NTM: variants seen among roughly 807,000 people sequenced by gnomAD.
NTM encodes the protein neurotrimin.
A neutral mutation model predicts 42.1 loss-of-function variants in NTM; 13 were observed. That is an observed-to-expected ratio of 0.31 (90% CI 0.20 to 0.49). The LOEUF (loss-of-function observed/expected upper bound fraction) is 0.49. Among genes scored for constraint, NTM ranks in the 20% least tolerant of loss-of-function variants. The pLI is 0.99. For missense variants in NTM, 373 were observed against 452.8 expected (o/e 0.82, Z 1.60); for synonymous variants, 187 against 179.2 (o/e 1.04, Z -0.35).
intron 1 of NTM, among the ~76,000 whole-genome samples, chr11:131,661,654 C>A (rs557898151): frequency 1.1e-4 from 16 of 152,264 alleles, no homozygotes; most frequent in Non-Finnish European, 1.8e-4. Flanking sequence ...GTCACTGTAC[C>A]TTTTCTTGGT....
chr11:131,721,189 C>A (rs1219187974), intron 1 of NTM, among the ~76,000 whole-genome samples: 1 of 151,852 alleles, frequency 6.6e-6, no homozygotes, highest in Admixed American at 6.6e-5. Context: ...AGTAACTCAG[C>A]TAATTAGTAG....
chr11:131,583,850 A>G (rs1381064365), intron 1 of NTM, among the ~76,000 whole-genome samples: 1 of 152,206 alleles, frequency 6.6e-6, no homozygotes, highest in Non-Finnish European at 1.5e-5. Context: ...TATGAAACCC[A>G]TAGATGAACC....
At chr11:132,000,448 A>G (rs1450225794) in intron 2 of NTM, among the ~76,000 whole-genome samples, 10 of 152,170 alleles carry the variant, frequency 6.6e-5, no homozygotes, top group East Asian at 1.9e-4. Context: ...ATTTACCATA[A>G]GCATGTTCCC....
At chr11:131,681,636 CGT>C (rs1180631017) in intron 1 of NTM, among the ~76,000 whole-genome samples, 21 of 42,532 alleles carry the variant, frequency 4.9e-4, no homozygotes, top group African/African-American at 1.1e-3. Flanking sequence ...TGTGTGTGAG[CGT>C]GTGTGTTTCT....
chr11:131,874,440 A>G (rs1353987892), intron 1 of NTM, among the ~76,000 whole-genome samples: 12 of 152,122 alleles, frequency 7.9e-5, no homozygotes, highest in Admixed American at 7.9e-4. Context: ...AACAGTTAAG[A>G]CATTCTCCAC....
intron 1 of NTM, among the ~76,000 whole-genome samples, chr11:131,398,699 C>T (rs1453689915): frequency 1.3e-5 from 2 of 152,144 alleles, no homozygotes; most frequent in African/African-American, 4.8e-5. Flanking sequence ...TATTTCCTTA[C>T]ACACGATCAC....
intron 1 of NTM, among the ~76,000 whole-genome samples, chr11:131,549,846 A>G (rs973009423): frequency 1.3e-5 from 2 of 152,266 alleles, no homozygotes; most frequent in South Asian, 2.1e-4. Context: ...GATGATTAAC[A>G]TCCTAACACT....
chr11:131,590,795 T>C (rs2059296482), intron 1 of NTM, among the ~76,000 whole-genome samples: 1 of 152,208 alleles, frequency 6.6e-6, no homozygotes, highest in African/African-American at 2.4e-5. Context: ...CAAGCTGTAC[T>C]GTATAAATGG....
intron 2 of NTM, among the ~76,000 whole-genome samples, chr11:132,065,070 A>C (rs959583165): frequency 2.0e-5 from 3 of 152,202 alleles, no homozygotes; most frequent in African/African-American, 7.2e-5. Flanking sequence ...TTGTCTGTGC[A>C]CAGGAGTGCA....
intron 1 of NTM, among the ~76,000 whole-genome samples, chr11:131,878,633 ATATATAT>A (rs1565667209): frequency 5.5e-5 from 7 of 127,232 alleles, no homozygotes; most frequent in African/African-American, 1.8e-4. Context: ...ATATATATAT[ATATATAT>A]AATGTCTTAT....
chr11:131,852,787 C>T (rs1181718056), intron 1 of NTM, among the ~76,000 whole-genome samples: 2 of 152,070 alleles, frequency 1.3e-5, no homozygotes, highest in African/African-American at 4.8e-5. Context: ...ATCCATCCAC[C>T]CATCTAACCA....
intron 1 of NTM, among the ~76,000 whole-genome samples, chr11:131,657,644 G>C (rs2067379874): frequency 6.6e-6 from 1 of 152,178 alleles, no homozygotes; most frequent in South Asian, 2.1e-4. Context: ...TGCCTTGCCA[G>C]GATATAAGAA....
chr11:132,221,813 G>A (rs1234207900), intron 4 of NTM, among the ~76,000 whole-genome samples: 1 of 152,126 alleles, frequency 6.6e-6, no homozygotes, highest in East Asian at 1.9e-4. Context: ...AAAATCAGGG[G>A]GCAGGAGAAG....
chr11:131,374,437 C>G (rs1941683204), intron 1 of NTM, among the ~76,000 whole-genome samples: 1 of 152,214 alleles, frequency 6.6e-6, no homozygotes, highest in African/African-American at 2.4e-5. Context: ...GGTCCTGATT[C>G]TTCCCTTTTT....
chr11:131,929,461 T>TAAA (rs537033365), intron 2 of NTM, among the ~76,000 whole-genome samples: 143 of 151,734 alleles, frequency 9.4e-4, no homozygotes, highest in East Asian at 1.6e-3. Flanking sequence ...TTTTTTTTTT[T>TAAA]AATTTTTTAT....
chr11:131,575,007 C>T (rs894157117), intron 1 of NTM, among the ~76,000 whole-genome samples: 13 of 152,298 alleles, frequency 8.5e-5, no homozygotes, highest in Admixed American at 5.9e-4. Flanking sequence ...ACAGCAAGCA[C>T]TTCAATCTAT....
chr11:131,874,447 C>G (rs1321130240), intron 1 of NTM, among the ~76,000 whole-genome samples: 1 of 152,100 alleles, frequency 6.6e-6, no homozygotes, highest in Non-Finnish European at 1.5e-5. Flanking sequence ...AAGACATTCT[C>G]CACTAAAGAA....
At chr11:131,789,977 A>T (rs1191584281) in intron 1 of NTM, among the ~76,000 whole-genome samples, 1 of 150,792 alleles carries the variant, frequency 6.6e-6, no homozygotes, top group Non-Finnish European at 1.5e-5. Context: ...AAAAAAAAAA[A>T]AAAAGCATGC....
chr11:131,848,690 C>T (rs1487016519), intron 1 of NTM, among the ~76,000 whole-genome samples: 1 of 152,218 alleles, frequency 6.6e-6, no homozygotes, highest in Non-Finnish European at 1.5e-5. Context: ...AGAGCTTTCA[C>T]ATCTGTCATC....
Sources: gnomAD v4.1 joint callset for allele counts (sites outside exome capture counted in the v4.1 genomes callset) on GRCh38, gnomAD v4.1.1 for gene constraint, MANE v1.5 for transcripts, NCBI Gene and HGNC (gene_info 2026-07-23, HGNC 2026-07-21) for gene names.